The following GPATCH1 variants were observed in gnomAD, a reference collection of about 807,000 sequenced individuals.
GPATCH1 encodes G patch domain-containing protein 1.
In GPATCH1, 73 loss-of-function variants were observed where a neutral mutation model predicts 114.9. The ratio of observed to expected loss-of-function variants is 0.64; its 90% CI spans 0.53 to 0.77. The LOEUF (loss-of-function observed/expected upper bound fraction) is 0.77, where lower values mean the gene tolerates loss of function less well. GPATCH1 is among the 30% of genes least tolerant of loss of function. The probability of loss-of-function intolerance (pLI) is 0.00; values close to 1 mark genes in which losing one functional copy is unlikely to be tolerated. For missense variants in GPATCH1, 1,058 were observed against 1,144.3 expected (o/e 0.92, Z 1.09); for synonymous variants, 391 against 428.4 (o/e 0.91, Z 1.08).
At chr19:33,089,975 G>A (rs1004089104) in intron 2 of GPATCH1, among the ~76,000 whole-genome samples, 14 of 152,032 alleles carry the variant, frequency 9.2e-5, no homozygotes, top group African/African-American at 7.2e-5. Flanking sequence ...TCACTCTGTC[G>A]CCCAGGCTTT....
intron 5 of GPATCH1, 65 bp from the exon 6 acceptor site, chr19:33,095,697 C>T (rs1405962390): frequency 8.9e-6 from 10 of 1,119,518 alleles, no homozygotes; most frequent in African/African-American, 1.5e-5. Flanking sequence ...CCACCGCGCC[C>T]GGCCTGGTCG....
At chr19:33,110,070 C>T (rs1168837505) in intron 11 of GPATCH1, 54 bp downstream of exon 11, 7 of 1,429,634 alleles carry the variant, frequency 4.9e-6, no homozygotes, top group Admixed American at 1.9e-5. Context: ...GTCATATTCT[C>T]ACTGTTCTCA....
chr19:33,101,207 ACTT>A (rs931917209), intron 8 of GPATCH1, among the ~76,000 whole-genome samples: 27 of 152,196 alleles, frequency 1.8e-4, no homozygotes, highest in African/African-American at 5.8e-4. Context: ...CCCCTAAGGT[ACTT>A]CTTCTAAAAA....
At chr19:33,101,858 C>G (rs1023369311) in intron 9 of GPATCH1, among the ~76,000 whole-genome samples, 1 of 151,158 alleles carries the variant, frequency 6.6e-6, no homozygotes, top group Non-Finnish European at 1.5e-5. Flanking sequence ...GGAGAAACCC[C>G]GTCTCTACTA....
intron 1 of GPATCH1, among the ~76,000 whole-genome samples, chr19:33,086,711 C>G (rs1014229479): frequency 6.6e-6 from 1 of 152,180 alleles, no homozygotes; most frequent in African/African-American, 2.4e-5. Context: ...CCGCCTCAGC[C>G]TCTCAAAGTG....
intron 9 of GPATCH1, among the ~76,000 whole-genome samples, chr19:33,104,639 G>A (rs1972763400): frequency 1.3e-5 from 2 of 152,140 alleles, no homozygotes. Flanking sequence ...CAGACTCTCT[G>A]GGGTGGGGCG....
chr19:33,083,113 G>C (rs544039034), intron 1 of GPATCH1, among the ~76,000 whole-genome samples: 5 of 151,028 alleles, frequency 3.3e-5, no homozygotes, highest in African/African-American at 9.7e-5. Context: ...TGGTGGGGGG[G>C]GGCTCATGTA....
rs200882611 is a variant in GPATCH1, at chr19:33,081,253, G to A, written c.60G>A (p.Glu20=). The A allele has an allele frequency of 1.1e-5, 17 of 1,551,652 alleles. No homozygotes were observed. The East Asian group carries it at 3.7e-4, about 33-fold the overall frequency. The part of the protein sequence containing the change: ...EDLVSYGTGL[E]PLEEGERPKK... ...TGGTCAGCTATGGGACCGGGCTGGA[G>A]CCTCTGGAAGAAGGTGCGGGCCGCG... Residue 20 remains glutamate, a synonymous_variant, in exon 1 of 20, where the codon GAG becomes GAA. Coordinates refer to ENST00000170564, the MANE Select transcript of GPATCH1 (RefSeq NM_018025.3).
intron 17 of GPATCH1, among the ~76,000 whole-genome samples, chr19:33,120,710 G>T (rs754269744): frequency 1.3e-5 from 2 of 151,664 alleles, no homozygotes; most frequent in Non-Finnish European, 2.9e-5. Context: ...AAAAAAAAGG[G>T]TGGGCACGGT....
intron 19 of GPATCH1, among the ~76,000 whole-genome samples, chr19:33,128,025 A>AT (rs1973062515): frequency 6.6e-6 from 1 of 151,950 alleles, no homozygotes. Flanking sequence ...CTATATACAG[A>AT]TTTTTGTGCA....
chr19:33,111,922 C>T lies in GPATCH1; in HGVS notation c.1764+20C>T, dbSNP rs1416860293. On this transcript the variant is annotated intron_variant, in intron 12 of 19. Transcript: ENST00000170564. ...CAAGAGGTCTGTTGTCACCATGTCCCTTACCTGGTGAACTTTAATATTAAA... is the reference window on the plus strand; with the variant it reads ...CAAGAGGTCTGTTGTCACCATGTCCTTTACCTGGTGAACTTTAATATTAAA... 1.9e-6 allele frequency: 3 copies of T among 1,576,586 alleles called. No homozygotes were observed. The highest frequency in any genetic ancestry group is 2.6e-6 in the Non-Finnish European group (3 of 1,148,602).
chr19:33,116,516 A>C (rs1972917390), intron 15 of GPATCH1, among the ~76,000 whole-genome samples: 2 of 151,968 alleles, frequency 1.3e-5, no homozygotes, highest in African/African-American at 4.8e-5. Flanking sequence ...CTGGGTTGAT[A>C]ATTTTTGTTT....
chr19:33,122,695 G>A (rs565641300), intron 17 of GPATCH1, among the ~76,000 whole-genome samples: 1 of 151,958 alleles, frequency 6.6e-6, no homozygotes, highest in Non-Finnish European at 1.5e-5. Flanking sequence ...TAATGTCTTT[G>A]ATACCCTCGT....
intron 1 of GPATCH1, among the ~76,000 whole-genome samples, chr19:33,084,011 C>T (rs1347447361): frequency 2.0e-5 from 3 of 151,294 alleles, no homozygotes; most frequent in Non-Finnish European, 4.4e-5. Context: ...GGTTTTACCA[C>T]GTTGGCCAGG....
At chr19:33,083,106 TGGGGG>T (rs59963268) in intron 1 of GPATCH1, among the ~76,000 whole-genome samples, 2 of 141,570 alleles carry the variant, frequency 1.4e-5, no homozygotes, top group Non-Finnish European at 3.1e-5. Context: ...CTGGGCGTGG[TGGGGG>T]GGGGCTCATG....
intron 1 of GPATCH1, among the ~76,000 whole-genome samples, chr19:33,086,969 C>CA (rs369095996): frequency 1.2e-3 from 176 of 140,912 alleles, no homozygotes; most frequent in East Asian, 3.7e-3. Context: ...GACTGCATCT[C>CA]AAAAAAAAAA....
rs147829000 is a variant in GPATCH1, at chr19:33,110,016, G to T, written c.1585G>T (p.Asp529Tyr). The T allele has an allele frequency of 7.3e-5, 117 of 1,600,438 alleles. No homozygotes were observed. Among genetic ancestry groups the T allele is most frequent in the Admixed American group, 2.0e-4 (12 of 59,014 alleles). ...AGTACACATGAAACAGGGTCAGAAA[G>T]GTGGGTGCTGGGCCTGGGTGTCCCA... ...FLVHMKQGQK[D>Y]ALERCLDPSM... The change falls in exon 11 of 20, where the codon GAT becomes TAT. Residue 529 changes from aspartate (D) to tyrosine (Y), a missense_variant and splice_region_variant. By Grantham distance (160) the Asp-to-Tyr change is radical. This residue lies in a region of GPATCH1 where 893 missense variants were observed against 977.4 expected (regional missense o/e 0.91). Coordinates refer to ENST00000170564, the MANE Select transcript of GPATCH1 (RefSeq NM_018025.3).
chr19:33,123,237 C>T (rs1465561336), intron 17 of GPATCH1, among the ~76,000 whole-genome samples: 1 of 151,654 alleles, frequency 6.6e-6, no homozygotes, highest in Admixed American at 6.6e-5. Context: ...CCTATCTCTA[C>T]TAAAAATACA....
Position 33,107,008 on chromosome 19 carries a change from C to G in GPATCH1, c.1285+109C>G, listed in dbSNP as rs1456703118. 4 of 776,848 alleles carry G rather than the reference C, an allele frequency of 5.1e-6. No individual in the cohort carries two copies. In the African/African-American group the frequency reaches 5.2e-5, roughly 10 times the overall value. 48.1% of individuals were successfully genotyped at this position (776,848 alleles called of 1,614,324 possible). A position where few individuals can be genotyped will look rare whatever the true frequency, so the allele number is the denominator to read the frequency against. ...AAGTTTTTTACATGAATTTGTATTC[C>G]CAAACTGTGGAAATACCACTATTTA... On this transcript the variant is annotated intron_variant, in intron 10 of 19. Transcript: ENST00000170564.
Sources: gnomAD v4.1 joint callset for allele counts (sites outside exome capture counted in the v4.1 genomes callset) on GRCh38, gnomAD v4.1.1 for gene constraint, gnomAD v4.1.1 regional missense constraint, MANE v1.5 for transcripts, NCBI Gene and HGNC (gene_info 2026-07-23, HGNC 2026-07-21) for gene names.